The following TASP1 variants were observed in gnomAD, a reference collection of about 807,000 sequenced individuals.
TASP1 encodes the protein threonine aspartase 1.
In TASP1, 16 loss-of-function variants were observed where a neutral mutation model predicts 56.6. The observed-to-expected ratio is 0.28, with a 90% confidence interval of 0.19 to 0.43. The LOEUF (loss-of-function observed/expected upper bound fraction) is 0.43. TASP1 is among the 20% of genes least tolerant of loss of function. The probability of loss-of-function intolerance (pLI) is 1.00; values close to 1 mark genes in which losing one functional copy is unlikely to be tolerated. For synonymous variants in TASP1, 179 were observed against 184.2 expected, an observed-to-expected ratio of 0.97 and a Z score of 0.23; for missense variants, 393 against 511.6, an observed-to-expected ratio of 0.77 and a Z score of 2.24.
intron 13 of TASP1, chr20:13,393,053 A>T: frequency 1.7e-6 from 1 of 592,664 alleles, no homozygotes; most frequent in Non-Finnish European, 3.1e-6. Flanking sequence ...GCCTCTGCTG[A>T]GGCCCCCATG....
At chr20:13,386,901 G>A (rs894544073), downstream of TASP1, among the ~76,000 whole-genome samples, 6 of 152,122 alleles carry the variant, frequency 3.9e-5, no homozygotes, top group African/African-American at 1.4e-4. Flanking sequence ...CAGGGGGTAC[G>A]TGTGCAGGTT....
At chr20:13,210,844 C>A in the TASP1 span, among the ~76,000 whole-genome samples, 1 of 151,980 alleles carries the variant, frequency 6.6e-6, no homozygotes. Context: ...TGACAAACCA[C>A]ATTTTTGTAA....
chr20:13,393,893 G>A (rs534591505), intron 13 of TASP1, among the ~76,000 whole-genome samples: 1 of 151,886 alleles, frequency 6.6e-6, no homozygotes, highest in Non-Finnish European at 1.5e-5. Context: ...AAAAAGGTGT[G>A]GGGGGGAAAA....
At chr20:13,616,295 A>G (rs2048522524) in intron 4 of TASP1, among the ~76,000 whole-genome samples, 1 of 152,166 alleles carries the variant, frequency 6.6e-6, no homozygotes, top group Non-Finnish European at 1.5e-5. Flanking sequence ...AGGTAGCTCA[A>G]AACTGAATTC....
chr20:13,249,550 A>G, the TASP1 span, among the ~76,000 whole-genome samples: 1 of 152,222 alleles, frequency 6.6e-6, no homozygotes, highest in Admixed American at 6.5e-5. Context: ...TACACCTCGG[A>G]AAATAAACGA....
intron 11 of TASP1, among the ~76,000 whole-genome samples, chr20:13,476,482 T>G (rs1009655525): frequency 6.6e-6 from 1 of 152,210 alleles, no homozygotes; most frequent in Non-Finnish European, 1.5e-5. Flanking sequence ...TTCACAAAAT[T>G]GCCCAGAATG....
the TASP1 span, among the ~76,000 whole-genome samples, chr20:13,143,254 G>A: frequency 6.6e-6 from 1 of 152,138 alleles, no homozygotes; most frequent in Admixed American, 6.5e-5. Flanking sequence ...CAGTTTTAGA[G>A]AGCAAATCCA....
At chr20:13,535,032 C>A (rs74886820) in intron 8 of TASP1, among the ~76,000 whole-genome samples, 4,329 of 152,192 alleles carry the variant, frequency 0.028, 76 homozygotes, top group Middle Eastern at 0.051. Flanking sequence ...GGTTTTCAAA[C>A]CTTGCCCTAC....
At chr20:13,439,010 G>A (rs2043119029) in intron 11 of TASP1, among the ~76,000 whole-genome samples, 1 of 152,158 alleles carries the variant, frequency 6.6e-6, no homozygotes, top group Non-Finnish European at 1.5e-5. Context: ...GAAACGACTG[G>A]TGCTGGAGGG....
chr20:13,466,161 T>A (rs2044252587), intron 11 of TASP1, among the ~76,000 whole-genome samples: 1 of 152,108 alleles, frequency 6.6e-6, no homozygotes, highest in African/African-American at 2.4e-5. Flanking sequence ...TCCAACTGCA[T>A]GTGAATCTAC....
the TASP1 span, among the ~76,000 whole-genome samples, chr20:13,339,800 C>G: frequency 2.6e-5 from 4 of 151,882 alleles, no homozygotes; most frequent in Admixed American, 2.6e-4. Flanking sequence ...GACACAAAAG[C>G]CAGGGATTAT....
chr20:13,231,027 T>A, the TASP1 span, among the ~76,000 whole-genome samples: 1 of 152,196 alleles, frequency 6.6e-6, no homozygotes, highest in Admixed American at 6.5e-5. Context: ...CTTCCCTGCC[T>A]TCCTCCCTCT....
At chr20:13,358,270 T>C in the TASP1 span, among the ~76,000 whole-genome samples, 1 of 152,216 alleles carries the variant, frequency 6.6e-6, no homozygotes, top group Non-Finnish European at 1.5e-5. Flanking sequence ...CCAGGTGAAA[T>C]AAACAGCCAT....
intron 1 of TASP1, among the ~76,000 whole-genome samples, chr20:13,632,580 A>C (rs947168064): frequency 1.3e-5 from 2 of 152,116 alleles, no homozygotes; most frequent in Non-Finnish European, 2.9e-5. Context: ...ACTATCTGAA[A>C]TATATTTATT....
At position 13,435,090 on chromosome 20, in the gene TASP1, T is replaced by A. The variant is rs532581404; in HGVS notation, c.1050A>T (p.Arg350Ser). Residue 350 changes from arginine (R) to serine (S), a missense_variant, in exon 12 of 14, where the codon AGA (arginine) becomes AGT (serine). By Grantham distance (110) the Arg-to-Ser change is moderately radical. This residue lies in a region of TASP1 where 293 missense variants were observed against 354.2 expected (regional missense o/e 0.83). Coordinates refer to ENST00000337743, the MANE Select transcript of TASP1 (RefSeq NM_017714.3). ...GGGAGGAGTCAGGCTCGGCAGAACA[T>A]CTGCATGAACGGAGGACAATCACTC... ...LGGVIVLRSC[R>S]CSAEPDSSQN... 2 of 1,611,182 alleles carry A rather than the reference T, an allele frequency of 1.2e-6. No individual in the cohort carries two copies. Among genetic ancestry groups the A allele is most frequent in the Admixed American group, 1.7e-5 (1 of 59,736 alleles).
chr20:13,455,433 A>G (rs2043794781), intron 11 of TASP1, among the ~76,000 whole-genome samples: 2 of 152,226 alleles, frequency 1.3e-5, no homozygotes, highest in African/African-American at 2.4e-5. Context: ...GAAATATAAG[A>G]CATCAGTTTG....
At chr20:13,473,112 AT>A (rs1284778368) in intron 11 of TASP1, among the ~76,000 whole-genome samples, 5 of 152,204 alleles carry the variant, frequency 3.3e-5, no homozygotes, top group African/African-American at 1.2e-4. Context: ...GATAGACTGG[AT>A]TAAGAAAATG....
chr20:13,522,701 T>C (rs1390967489), intron 10 of TASP1, among the ~76,000 whole-genome samples: 1 of 152,072 alleles, frequency 6.6e-6, no homozygotes. Flanking sequence ...GGAGATAAAA[T>C]TGTAGGAATC....
the TASP1 span, among the ~76,000 whole-genome samples, chr20:13,169,970 A>G: frequency 2.0e-5 from 3 of 152,220 alleles, no homozygotes; most frequent in Non-Finnish European, 4.4e-5. Flanking sequence ...TAACAAAGGC[A>G]TCAAAAGGAG....
Sources: allele counts gnomAD v4.1 joint callset (sites outside exome capture counted in the v4.1 genomes callset), GRCh38; gene constraint gnomAD v4.1.1; regional missense constraint gnomAD v4.1.1; transcripts MANE v1.5; gene names NCBI Gene and HGNC (gene_info 2026-07-23, HGNC 2026-07-21).